Variants in FRS2 observed in about 807,000 individuals in gnomAD.
FRS2 encodes the protein fibroblast growth factor receptor substrate 2.
Under a neutral mutation model 43.9 loss-of-function variants are expected in FRS2, and 8 were observed. The observed-to-expected ratio is 0.18, with a 90% CI of 0.11 to 0.33. The LOEUF is 0.33. Among genes scored for constraint, FRS2 ranks in the 10% least tolerant of loss-of-function variants. The pLI is 1.00. For synonymous variants in FRS2, 219 were observed against 220.3 expected, an observed-to-expected ratio of 0.99 and a Z score of 0.05; for missense variants, 534 against 627.6, an observed-to-expected ratio of 0.85 and a Z score of 1.59.
At chr12:69,478,736 G>A (rs1177362106) in intron 1 of FRS2, among the ~76,000 whole-genome samples, 13 of 144,822 alleles carry the variant, frequency 9.0e-5, no homozygotes, top group East Asian at 5.9e-4. Flanking sequence ...GTGTGTGTGT[G>A]TGTGTGTGTG....
chr12:69,472,253 ATTT>A (rs3970803), intron 1 of FRS2, among the ~76,000 whole-genome samples: 2 of 133,308 alleles, frequency 1.5e-5, no homozygotes, highest in Non-Finnish European at 1.6e-5. Context: ...CACCTGGCTA[ATTT>A]TTTTTTTTTT....
intron 1 of FRS2, among the ~76,000 whole-genome samples, chr12:69,529,377 A>C (rs1245021344): frequency 1.3e-5 from 2 of 152,174 alleles, no homozygotes; most frequent in Non-Finnish European, 2.9e-5. Context: ...TAATCCCAGC[A>C]CTTTGGGAAG....
At chr12:69,516,988 T>G (rs1431729778) in intron 1 of FRS2, among the ~76,000 whole-genome samples, 2 of 152,198 alleles carry the variant, frequency 1.3e-5, no homozygotes, top group Non-Finnish European at 2.9e-5. Context: ...AATTCAAAAC[T>G]TTTTGAGCAC....
intron 1 of FRS2, among the ~76,000 whole-genome samples, chr12:69,480,997 C>A (rs1209640114): frequency 6.6e-6 from 1 of 152,070 alleles, no homozygotes; most frequent in Non-Finnish European, 1.5e-5. Flanking sequence ...TATAAGTAAC[C>A]GCCTGGAGAA....
At chr12:69,556,867 G>A (rs894355643) in intron 3 of FRS2, among the ~76,000 whole-genome samples, 1 of 152,094 alleles carries the variant, frequency 6.6e-6, no homozygotes, top group Non-Finnish European at 1.5e-5. Flanking sequence ...GAACTATTAG[G>A]TATACCATAT....
At chr12:69,515,381 T>C (rs1874890148) in intron 1 of FRS2, among the ~76,000 whole-genome samples, 2 of 152,268 alleles carry the variant, frequency 1.3e-5, no homozygotes, top group African/African-American at 4.8e-5. Context: ...TCTTATTCTT[T>C]TTCTCACTTT....
At chr12:69,545,555 A>G (rs1400563491) in intron 3 of FRS2, among the ~76,000 whole-genome samples, 1 of 152,144 alleles carries the variant, frequency 6.6e-6, no homozygotes, top group Non-Finnish European at 1.5e-5. Flanking sequence ...CAGGAGTTCA[A>G]GACCAGCCTG....
intron 1 of FRS2, among the ~76,000 whole-genome samples, chr12:69,506,610 C>T (rs1434180785): frequency 2.6e-5 from 4 of 152,024 alleles, no homozygotes; most frequent in Non-Finnish European, 4.4e-5. Flanking sequence ...TTGAAAGATT[C>T]TTTTAGATCC....
chr12:69,533,070 C>G (rs1350711251), intron 3 of FRS2, among the ~76,000 whole-genome samples: 2 of 152,180 alleles, frequency 1.3e-5, no homozygotes, highest in Non-Finnish European at 2.9e-5. Flanking sequence ...GGTTCTTTTA[C>G]TAATCTTATA....
At chr12:69,544,246 T>A (rs962595350) in intron 3 of FRS2, among the ~76,000 whole-genome samples, 4 of 152,246 alleles carry the variant, frequency 2.6e-5, no homozygotes, top group Admixed American at 6.5e-5. Flanking sequence ...ATCAAGTGCG[T>A]CTTATTCCTG....
intron 1 of FRS2, among the ~76,000 whole-genome samples, chr12:69,518,401 GA>G (rs1875275788): frequency 1.1e-5 from 1 of 92,476 alleles, no homozygotes; most frequent in South Asian, 2.6e-4. Flanking sequence ...GATAAAGGCA[GA>G]TTTTTTTTTT....
At chr12:69,537,512 T>C (rs1452033508) in intron 3 of FRS2, among the ~76,000 whole-genome samples, 1 of 152,198 alleles carries the variant, frequency 6.6e-6, no homozygotes, top group Non-Finnish European at 1.5e-5. Context: ...ATTATTCCAG[T>C]ACTTTGACTG....
At chr12:69,539,111 G>A (rs145506239) in intron 3 of FRS2, among the ~76,000 whole-genome samples, 2 of 152,312 alleles carry the variant, frequency 1.3e-5, no homozygotes, top group Admixed American at 1.3e-4. Flanking sequence ...GTCTCACTCT[G>A]TTGCCCAGGC....
rs1175830236 is a variant in FRS2 at position 69,526,727 on chromosome 12, C to CT, written c.-260-4124dup. The stretch of plus-strand genomic sequence containing the variant: ...TCAGATAGTCAGAAAAGTGTAGAAA[C>CT]TTTTTTTTTTTTTTGAGACAGAGTG... On this transcript the variant is annotated intron_variant, in intron 1 of 8. Transcript: ENST00000549921. Among the ~76,000 whole-genome samples the CT allele has an allele frequency of 8.3e-3, 1,196 of 144,354 alleles. 15 individuals are homozygous for CT. The highest frequency in any genetic ancestry group is 0.026 in the African/African-American group (1,035 of 39,636). 94.7% of individuals were successfully genotyped at this position (144,354 alleles called of 152,430 possible).
At position 69,576,415 on chromosome 12, in the gene FRS2, A is replaced by G. The variant is rs533553541; in HGVS notation, c.*1460A>G. The stretch of plus-strand genomic sequence containing the variant: ...AAACTGAAGAGTCTCCATATGTCAA[A>G]CTCTTGGAAAATCAAAGATGTTCCA... On this transcript the variant is annotated 3_prime_UTR_variant, in exon 9 of 9. Transcript: ENST00000549921. 1 of 152,316 alleles carries G rather than the reference A, an allele frequency of 6.6e-6. No individual in the cohort carries two copies. The highest frequency in any genetic ancestry group is 2.1e-4 in the South Asian group (1 of 4,824). 9.4% of individuals were successfully genotyped at this position (152,316 alleles called of 1,614,324 possible).
At chr12:69,557,007 T>A (rs777745489) in intron 3 of FRS2, among the ~76,000 whole-genome samples, 22 of 152,230 alleles carry the variant, frequency 1.4e-4, no homozygotes, top group Non-Finnish European at 2.6e-4. Context: ...ACTCAGTGAT[T>A]ACATTAAGAA....
At chr12:69,521,705 C>T (rs923364914) in intron 1 of FRS2, among the ~76,000 whole-genome samples, 8 of 152,138 alleles carry the variant, frequency 5.3e-5, no homozygotes, top group African/African-American at 1.9e-4. Flanking sequence ...AGCTCTGCCT[C>T]CCGGGTTCAC....
At chr12:69,481,153 A>T (rs188282244) in intron 1 of FRS2, among the ~76,000 whole-genome samples, 9 of 152,204 alleles carry the variant, frequency 5.9e-5, no homozygotes, top group African/African-American at 2.2e-4. Context: ...TTTTGCATAC[A>T]CACATTTATT....
Position 69,531,730 on chromosome 12 carries a change from A to G in FRS2, c.-164-284A>G, listed in dbSNP as rs151303042. Among the ~76,000 whole-genome samples the G allele has an allele frequency of 5.8e-3, 889 of 152,316 alleles. 10 individuals carry two copies. The highest frequency in any genetic ancestry group is 0.019 in the African/African-American group (808 of 41,574). On this transcript the variant is annotated intron_variant, in intron 2 of 8. Coordinates refer to ENST00000549921, the MANE Select transcript of FRS2 (RefSeq NM_001278356.2). ...AAGAGTATAAAATCTATTTGACTTA[A>G]CAGCTGTTTTAGAATATAAAAATTG...
Sources: allele counts gnomAD v4.1 joint callset (sites outside exome capture counted in the v4.1 genomes callset), GRCh38; gene constraint gnomAD v4.1.1; transcripts MANE v1.5; gene names NCBI Gene and HGNC (gene_info 2026-07-23, HGNC 2026-07-21).